The following CPED1 variants were observed in gnomAD, a reference collection of about 807,000 sequenced individuals.
The protein encoded by CPED1 is cadherin like and PC-esterase domain containing 1, also known as cadherin-like and PC-esterase domain-containing protein 1.
CPED1 carries 114 observed loss-of-function variants against 128.2 expected under a neutral mutation model. The observed-to-expected ratio is 0.89, with a 90% CI of 0.76 to 1.04. The LOEUF is 1.04. CPED1 is among the 50% of genes least tolerant of loss of function. CPED1 has a pLI of 0.00. For missense variants in CPED1, 1,211 were observed against 1,207.1 expected, an observed-to-expected ratio of 1.00 and a Z score of -0.05; for synonymous variants, 462 against 426.7, an observed-to-expected ratio of 1.08 and a Z score of -1.02.
rs540156829 is a variant in CPED1, at chr7:121,271,135, C to G, written c.2722-149C>G. On this transcript the variant is annotated intron_variant, in intron 21 of 22. Coordinates refer to ENST00000310396, the MANE Select transcript of CPED1 (RefSeq NM_024913.5). ...TCGAGTAAAAAAAATTAGAACACATCTTTATTTAAGAAATGCATGTGAAGT... is the reference window on the plus strand; with the variant it reads ...TCGAGTAAAAAAAATTAGAACACATGTTTATTTAAGAAATGCATGTGAAGT... The G allele has an allele frequency of 7.1e-6, 4 of 561,426 alleles. No homozygotes were observed. In the African/African-American group the frequency reaches 7.5e-5, roughly 11 times the overall value. The allele number at this position is 561,426 out of a possible 1,614,324, so 34.8% of individuals were successfully genotyped here. A position where few individuals can be genotyped will look rare whatever the true frequency, so the allele number is the denominator to read the frequency against.
At chr7:121,214,410 A>T (rs1441692733) in intron 16 of CPED1, among the ~76,000 whole-genome samples, 2 of 151,986 alleles carry the variant, frequency 1.3e-5, no homozygotes, top group Non-Finnish European at 2.9e-5. Context: ...CTCGTGCCTT[A>T]GCCTCTGGAG....
At chr7:121,291,283 C>T (rs574582120) in intron 22 of CPED1, among the ~76,000 whole-genome samples, 15 of 152,192 alleles carry the variant, frequency 9.9e-5, no homozygotes, top group South Asian at 2.1e-4. Flanking sequence ...CTTGGTTATA[C>T]GGGCTTCTTT....
chr7:121,175,874 G>A (rs1339116864), intron 16 of CPED1, among the ~76,000 whole-genome samples: 4 of 151,994 alleles, frequency 2.6e-5, no homozygotes, highest in Non-Finnish European at 5.9e-5. Context: ...GAGAAGCTCC[G>A]CAGCAGTTTT....
chr7:121,239,396 T>C (rs901695524), intron 17 of CPED1, among the ~76,000 whole-genome samples: 2 of 152,108 alleles, frequency 1.3e-5, no homozygotes, highest in Non-Finnish European at 2.9e-5. Context: ...AACTGTAAGA[T>C]ACAACCTAGA....
chr7:121,020,661 G>C (rs1235319360), intron 3 of CPED1, among the ~76,000 whole-genome samples: 1 of 151,772 alleles, frequency 6.6e-6, no homozygotes, highest in Non-Finnish European at 1.5e-5. Flanking sequence ...TTAATAAAAT[G>C]TACATATAAA....
chr7:121,255,423 TAA>T (rs1379659470), intron 18 of CPED1, among the ~76,000 whole-genome samples: 1 of 151,954 alleles, frequency 6.6e-6, no homozygotes, highest in Non-Finnish European at 1.5e-5. Context: ...TTCAAAATAA[TAA>T]GAGCCATCTA....
intron 5 of CPED1, among the ~76,000 whole-genome samples, chr7:121,083,185 T>G (rs1794335275): frequency 6.6e-6 from 1 of 152,132 alleles, no homozygotes; most frequent in South Asian, 2.1e-4. Context: ...CAGACTCAGC[T>G]CTGCAAACCA....
At chr7:121,189,076 C>T (rs1250115732) in intron 16 of CPED1, among the ~76,000 whole-genome samples, 1 of 152,170 alleles carries the variant, frequency 6.6e-6, no homozygotes, top group African/African-American at 2.4e-5. Flanking sequence ...AGGATCTGGG[C>T]ATTTCTGGGT....
intron 12 of CPED1, among the ~76,000 whole-genome samples, chr7:121,131,499 T>G (rs1244359285): frequency 5.9e-5 from 9 of 151,994 alleles, no homozygotes; most frequent in Middle Eastern, 3.4e-3. Flanking sequence ...AAAGTTTTTT[T>G]TTTTTTTTTT....
chr7:121,218,843 C>T (rs1797817986), intron 16 of CPED1, among the ~76,000 whole-genome samples: 1 of 152,032 alleles, frequency 6.6e-6, no homozygotes, highest in South Asian at 2.1e-4. Context: ...TATCCCAGAA[C>T]TTAAAGTATA....
intron 21 of CPED1, among the ~76,000 whole-genome samples, chr7:121,269,973 A>G (rs1042902449): frequency 6.6e-6 from 1 of 152,112 alleles, no homozygotes; most frequent in Non-Finnish European, 1.5e-5. Flanking sequence ...AGTGTGTCAC[A>G]TGACGAGAGT....
intron 22 of CPED1, 81 bp from the exon 23 acceptor site, chr7:121,295,359 A>G: frequency 6.8e-7 from 1 of 1,480,920 alleles, no homozygotes; most frequent in South Asian, 1.4e-5. Flanking sequence ...GCAGAGATGC[A>G]TGTTCAAGTT....
At chr7:121,266,640 CA>C in intron 19 of CPED1, 66 bp from the exon 20 acceptor site, 2 of 1,267,878 alleles carry the variant, frequency 1.6e-6, no homozygotes, top group Non-Finnish European at 2.3e-6. Flanking sequence ...AAATGTGAGG[CA>C]GTGCAGTTAC....
At chr7:121,271,194 A>C (rs1792220952) in intron 21 of CPED1, 90 bp from the exon 22 acceptor site, 1 of 1,049,294 alleles carries the variant, frequency 9.5e-7, no homozygotes, top group African/African-American at 1.6e-5. Flanking sequence ...TCCCAGTAAA[A>C]AAGACATTTA....
chr7:121,092,588 A>G (rs751277521), intron 5 of CPED1, among the ~76,000 whole-genome samples: 8 of 152,208 alleles, frequency 5.3e-5, no homozygotes, highest in Non-Finnish European at 8.8e-5. Context: ...CCAATGGGTG[A>G]TCAAGCTTGT....
intron 2 of CPED1, among the ~76,000 whole-genome samples, chr7:121,001,898 A>G (rs1263834215): frequency 2.0e-5 from 3 of 152,132 alleles, no homozygotes; most frequent in Admixed American, 6.6e-5. Flanking sequence ...TTGAGATTAT[A>G]AAAGACAGAG....
chr7:121,271,214 C>A, intron 21 of CPED1, 70 bp from the exon 22 acceptor site: 2 of 1,264,458 alleles, frequency 1.6e-6, no homozygotes, highest in South Asian at 1.5e-5. Context: ...ACATAATTTC[C>A]ACCTAACTTA....
intron 4 of CPED1, among the ~76,000 whole-genome samples, chr7:121,054,597 G>C (rs576895325): frequency 6.6e-6 from 1 of 151,956 alleles, no homozygotes; most frequent in East Asian, 1.9e-4. Context: ...AATACAGTTA[G>C]GGTCATTTGC....
chr7:121,180,633 C>T (rs1372547235), intron 16 of CPED1, among the ~76,000 whole-genome samples: 3 of 151,822 alleles, frequency 2.0e-5, no homozygotes, highest in Admixed American at 6.6e-5. Context: ...ATTATTAGCC[C>T]GAGATTTTCA....
Sources: gnomAD v4.1 joint callset for allele counts (sites outside exome capture counted in the v4.1 genomes callset) on GRCh38, gnomAD v4.1.1 for gene constraint, MANE v1.5 for transcripts, NCBI Gene and HGNC (gene_info 2026-07-23, HGNC 2026-07-21) for gene names.